Variants in TFB1M observed in about 807,000 individuals in gnomAD.
TFB1M encodes the protein dimethyladenosine transferase 1, mitochondrial.
Under a neutral mutation model 31.1 loss-of-function variants are expected in TFB1M, and 27 were observed. The observed-to-expected ratio is 0.87, with a 90% CI of 0.64 to 1.20. TFB1M has a LOEUF of 1.20. Among genes scored for constraint, TFB1M ranks in the 50% most tolerant of loss-of-function variants. TFB1M has a pLI of 0.00. For missense variants in TFB1M, 394 were observed against 418.7 expected, an observed-to-expected ratio of 0.94 and a Z score of 0.51; for synonymous variants, 166 against 151.8, an observed-to-expected ratio of 1.09 and a Z score of -0.69.
chr6:155,287,839 G>A (rs954491639), intron 4 of TFB1M, among the ~76,000 whole-genome samples: 1 of 152,110 alleles, frequency 6.6e-6, no homozygotes, highest in African/African-American at 2.4e-5. Context: ...GTGTTCTTAA[G>A]AGCTCAAAGG....
the TFB1M span, among the ~76,000 whole-genome samples, chr6:155,237,476 A>G: frequency 6.6e-6 from 1 of 152,242 alleles, no homozygotes; most frequent in Non-Finnish European, 1.5e-5. Flanking sequence ...GCGGTGCCCC[A>G]GTAGGGACTC....
intron 2 of TFB1M, 68 bp downstream of exon 2, chr6:155,311,120 T>G: frequency 6.4e-7 from 1 of 1,565,406 alleles, no homozygotes; most frequent in African/African-American, 1.4e-5. Flanking sequence ...CCTTGGGGTT[T>G]AAGCATCATG....
chr6:155,233,738 C>T, the TFB1M span, among the ~76,000 whole-genome samples: 5 of 152,080 alleles, frequency 3.3e-5, no homozygotes, highest in Admixed American at 1.3e-4. Context: ...GTGGGAGGAT[C>T]GCTGGAGTTC....
At chr6:155,291,263 G>A (rs940360522) in intron 4 of TFB1M, among the ~76,000 whole-genome samples, 4 of 152,114 alleles carry the variant, frequency 2.6e-5, no homozygotes, top group Admixed American at 6.5e-5. Flanking sequence ...GCTGGTGTTC[G>A]GAGAATTGGA....
intron 5 of TFB1M, among the ~76,000 whole-genome samples, chr6:155,262,943 A>G (rs969016290): frequency 6.6e-6 from 1 of 152,232 alleles, no homozygotes; most frequent in Non-Finnish European, 1.5e-5. Context: ...TACAATTCCA[A>G]TACTCTGTTA....
intron 5 of TFB1M, among the ~76,000 whole-genome samples, chr6:155,284,285 T>C (rs1410050383): frequency 6.6e-6 from 1 of 152,218 alleles, no homozygotes; most frequent in African/African-American, 2.4e-5. Context: ...TATAGTCACA[T>C]AATGCATTTT....
At chr6:155,296,872 ACT>A in intron 4 of TFB1M, 79 bp downstream of exon 4, 1 of 1,308,004 alleles carries the variant, frequency 7.6e-7, no homozygotes. Flanking sequence ...GAAAACACAG[ACT>A]GTGGTAAAAA....
intron 4 of TFB1M, among the ~76,000 whole-genome samples, chr6:155,294,198 A>C (rs1777061779): frequency 6.6e-6 from 1 of 152,228 alleles, no homozygotes; most frequent in Admixed American, 6.5e-5. Flanking sequence ...CACAGAGATC[A>C]AACCCGAGTG....
chr6:155,288,678 T>C lies in TFB1M; in HGVS notation c.547-3401A>G, dbSNP rs552989977. Among the ~76,000 whole-genome samples, 113 of 152,326 alleles carry C rather than the reference T, an allele frequency of 7.4e-4. 1 individual carries two copies. In the Middle Eastern group the frequency reaches 0.01, roughly 14 times the overall value. On this transcript the variant is annotated intron_variant, in intron 4 of 6. Coordinates refer to ENST00000367166, the MANE Select transcript of TFB1M (RefSeq NM_016020.4). ...CATTCAATTCAATCTTTGTAGCATA[T>C]ATCCCCAGGCTGTAGAGATGAAAAC...
chr6:155,276,628 G>T, intron 5 of TFB1M: 2 of 387,486 alleles, frequency 5.2e-6, no homozygotes, highest in South Asian at 4.9e-5. Flanking sequence ...AAGAGGTTCT[G>T]ATTACATTCA....
At chr6:155,291,287 G>A (rs1338324636) in intron 4 of TFB1M, among the ~76,000 whole-genome samples, 1 of 152,098 alleles carries the variant, frequency 6.6e-6, no homozygotes, top group African/African-American at 2.4e-5. Context: ...TGCTTGGTGT[G>A]GAAAAAACCC....
chr6:155,258,469 A>C (rs1028350455), intron 6 of TFB1M, among the ~76,000 whole-genome samples: 1 of 152,188 alleles, frequency 6.6e-6, no homozygotes, highest in African/African-American at 2.4e-5. Context: ...ATCAGTTTTG[A>C]TTCTCTAGAA....
At chr6:155,250,536 A>G in the TFB1M span, 3 of 1,535,730 alleles carry the variant, frequency 2.0e-6, no homozygotes, top group African/African-American at 4.1e-5. Context: ...CTCTTTTATC[A>G]GCAGCCCGAA....
chr6:155,294,473 G>C (rs555428369), intron 4 of TFB1M, among the ~76,000 whole-genome samples: 9 of 152,276 alleles, frequency 5.9e-5, no homozygotes, highest in Non-Finnish European at 1.0e-4. Flanking sequence ...CTCCAGATCA[G>C]TAGGAAAAAG....
downstream of TFB1M, among the ~76,000 whole-genome samples, chr6:155,252,549 A>G (rs1006747570): frequency 6.6e-6 from 1 of 152,176 alleles, no homozygotes; most frequent in African/African-American, 2.4e-5. Flanking sequence ...TATCCCTGAA[A>G]ATGGCCCATG....
chr6:155,263,106 C>T (rs1220752380), intron 5 of TFB1M, among the ~76,000 whole-genome samples: 1 of 152,180 alleles, frequency 6.6e-6, no homozygotes, highest in South Asian at 2.1e-4. Context: ...TGTACCACCC[C>T]TTCCTCTCCC....
chr6:155,294,834 C>T (rs1777091393), intron 4 of TFB1M, among the ~76,000 whole-genome samples: 2 of 152,202 alleles, frequency 1.3e-5, no homozygotes, highest in African/African-American at 2.4e-5. Flanking sequence ...CCAACTGACA[C>T]AGTATGGGAT....
At chr6:155,292,218 AT>A (rs1264165078) in intron 4 of TFB1M, among the ~76,000 whole-genome samples, 2 of 152,132 alleles carry the variant, frequency 1.3e-5, no homozygotes, top group Non-Finnish European at 2.9e-5. Context: ...GGCAGGCAGA[AT>A]TTGTGGGGCA....
intron 5 of TFB1M, among the ~76,000 whole-genome samples, chr6:155,278,394 G>A (rs746311483): frequency 1.3e-5 from 2 of 152,250 alleles, no homozygotes; most frequent in South Asian, 2.1e-4. Context: ...AATGTGTACT[G>A]TGTAAAAACG....
Sources: gnomAD v4.1 joint callset for allele counts (sites outside exome capture counted in the v4.1 genomes callset) on GRCh38, gnomAD v4.1.1 for gene constraint, MANE v1.5 for transcripts, NCBI Gene and HGNC (gene_info 2026-07-23, HGNC 2026-07-21) for gene names.